Variants in GFRA1 observed in about 807,000 individuals in gnomAD.
The protein encoded by GFRA1 is GDNF family receptor alpha 1, also known as GDNF family receptor alpha-1.
GFRA1 carries 16 observed loss-of-function variants against 51.6 expected under a neutral mutation model. That is an observed-to-expected ratio of 0.31 (90% CI 0.21 to 0.47). The LOEUF is 0.47. GFRA1 is among the 20% of genes least tolerant of loss of function. The probability of loss-of-function intolerance (pLI) is 1.00; values close to 1 mark genes in which losing one functional copy is unlikely to be tolerated. For synonymous variants in GFRA1, 270 were observed against 241.3 expected (o/e 1.12, Z -1.10); for missense variants, 530 against 594.3 (o/e 0.89, Z 1.13).
At position 116,125,659 on chromosome 10, in the gene GFRA1, C is replaced by G. The variant is rs944343388; in HGVS notation, c.434-102G>C. 3 of 911,422 alleles carry G rather than the reference C, an allele frequency of 3.3e-6. No homozygotes were observed. In the East Asian group the frequency reaches 7.9e-5, roughly 24 times the overall value. The allele number at this position is 911,422 out of a possible 1,614,324, so 56.5% of individuals were successfully genotyped here. On this transcript the variant is annotated intron_variant, in intron 5 of 10. Transcript: ENST00000355422. Reference sequence around the variant, plus strand: ...CCTGCCATTTATCTGGCATTGCCAGCGGCTCTAGAACTTAATGAGTTTTGA... The same window carrying G: ...CCTGCCATTTATCTGGCATTGCCAGGGGCTCTAGAACTTAATGAGTTTTGA...
chr10:116,093,999 T>G (rs1391575904), intron 7 of GFRA1, among the ~76,000 whole-genome samples, 163 bp from the exon 8 acceptor site: 2 of 152,196 alleles, frequency 1.3e-5, no homozygotes, highest in Non-Finnish European at 2.9e-5. Context: ...TCTCGGCAAT[T>G]TATCTTGAGC....
At chr10:116,253,598 A>ACT (rs1386650449) in intron 4 of GFRA1, among the ~76,000 whole-genome samples, 2 of 146,494 alleles carry the variant, frequency 1.4e-5, no homozygotes, top group Non-Finnish European at 3.0e-5. Context: ...AGAGAGTGAG[A>ACT]CTCTCTCTCA....
intron 5 of GFRA1, among the ~76,000 whole-genome samples, chr10:116,125,988 A>T (rs1957856991): frequency 6.6e-6 from 1 of 152,246 alleles, no homozygotes; most frequent in African/African-American, 2.4e-5. Flanking sequence ...TAATTATGTA[A>T]TAAATGCATA....
chr10:116,181,792 C>T (rs879543868), intron 5 of GFRA1, among the ~76,000 whole-genome samples: 21 of 152,076 alleles, frequency 1.4e-4, no homozygotes, highest in Non-Finnish European at 8.8e-5. Flanking sequence ...CGCCCGCGCC[C>T]GCTACTATGC....
At position 116,062,355 on chromosome 10, in the gene GFRA1, A is replaced by T; in HGVS notation, c.*2043T>A. On this transcript the variant is annotated 3_prime_UTR_variant, in exon 11 of 11. Coordinates refer to ENST00000355422, the MANE Select transcript of GFRA1 (RefSeq NM_005264.8). ...CTTACTTAATGTGTTTATTCAAAGT[A>T]AGAGTCTTTATAGATCTTTTCACTA... 7.9e-6 allele frequency: 3 copies of T among 380,814 alleles called. No homozygotes were observed. The highest frequency in any genetic ancestry group is 1.4e-5 in the Non-Finnish European group (3 of 215,426). 23.6% of individuals were successfully genotyped at this position (380,814 alleles called of 1,614,324 possible).
chr10:116,232,326 T>C (rs1430128717), intron 4 of GFRA1, among the ~76,000 whole-genome samples: 1 of 152,180 alleles, frequency 6.6e-6, no homozygotes, highest in Admixed American at 6.5e-5. Flanking sequence ...GAAATAGCAG[T>C]TGGGTGATCT....
intron 5 of GFRA1, among the ~76,000 whole-genome samples, chr10:116,161,847 C>T (rs976900929): frequency 6.6e-5 from 10 of 152,130 alleles, no homozygotes; most frequent in African/African-American, 1.9e-4. Flanking sequence ...GACAAATACA[C>T]CTATATACAA....
At chr10:116,249,808 G>T (rs1438804323) in intron 4 of GFRA1, among the ~76,000 whole-genome samples, 4 of 152,132 alleles carry the variant, frequency 2.6e-5, no homozygotes, top group African/African-American at 9.7e-5. Context: ...AAGCCAGATG[G>T]GGTCCTTGCT....
chr10:116,268,865 C>G (rs935847464), intron 4 of GFRA1, among the ~76,000 whole-genome samples: 5 of 152,138 alleles, frequency 3.3e-5, no homozygotes, highest in African/African-American at 1.2e-4. Context: ...CATTTCCAAA[C>G]CACACATAGA....
intron 5 of GFRA1, among the ~76,000 whole-genome samples, chr10:116,127,647 T>C (rs1471249775): frequency 6.6e-6 from 1 of 152,168 alleles, no homozygotes; most frequent in Non-Finnish European, 1.5e-5. Context: ...CTCCTCTATT[T>C]CCACACTCAG....
intron 4 of GFRA1, among the ~76,000 whole-genome samples, chr10:116,248,199 AG>A (rs1241128322): frequency 6.6e-6 from 1 of 152,128 alleles, no homozygotes; most frequent in Non-Finnish European, 1.5e-5. Flanking sequence ...CAAGGGCAAA[AG>A]GTAAGAGCAA....
chr10:116,197,162 C>G (rs957639923), intron 5 of GFRA1, among the ~76,000 whole-genome samples: 5 of 152,020 alleles, frequency 3.3e-5, no homozygotes, highest in African/African-American at 9.7e-5. Flanking sequence ...AACCTAATCA[C>G]CGAGGCAACA....
At chr10:116,173,616 A>C (rs1158705199) in intron 5 of GFRA1, among the ~76,000 whole-genome samples, 1 of 152,178 alleles carries the variant, frequency 6.6e-6, no homozygotes, top group African/African-American at 2.4e-5. Flanking sequence ...TAGGACTATA[A>C]CTCCCAAGGG....
chr10:116,255,244 C>A (rs1432126350), intron 4 of GFRA1, among the ~76,000 whole-genome samples: 1 of 152,076 alleles, frequency 6.6e-6, no homozygotes, highest in African/African-American at 2.4e-5. Context: ...GAAGCTGCAC[C>A]CGCTTAATTG....
intron 5 of GFRA1, among the ~76,000 whole-genome samples, chr10:116,183,259 G>A (rs1213074890): frequency 2.6e-5 from 4 of 152,170 alleles, no homozygotes; most frequent in African/African-American, 9.7e-5. Context: ...GACTTGGTGA[G>A]TAAAGACAGT....
intron 4 of GFRA1, among the ~76,000 whole-genome samples, chr10:116,238,405 C>T (rs1967077283): frequency 6.6e-6 from 1 of 152,192 alleles, no homozygotes; most frequent in African/African-American, 2.4e-5. Flanking sequence ...CATGGAAGGC[C>T]TGCCTTCCGA....
chr10:116,207,719 T>C (rs957404792), intron 5 of GFRA1, among the ~76,000 whole-genome samples: 1 of 152,188 alleles, frequency 6.6e-6, no homozygotes, highest in Admixed American at 6.5e-5. Context: ...AGGAATATTT[T>C]AATAATGTCT....
intron 6 of GFRA1, among the ~76,000 whole-genome samples, chr10:116,096,983 A>G (rs2133910087): frequency 6.6e-6 from 1 of 152,150 alleles, no homozygotes; most frequent in East Asian, 1.9e-4. Flanking sequence ...CCCTTTCCCC[A>G]GCCCTCGCCC....
chr10:116,102,889 C>T (rs1442999285), intron 6 of GFRA1, among the ~76,000 whole-genome samples: 1 of 152,192 alleles, frequency 6.6e-6, no homozygotes, highest in Non-Finnish European at 1.5e-5. Context: ...TATCAATCTA[C>T]TTGTATAAGT....
Sources: gnomAD v4.1 joint callset for allele counts (sites outside exome capture counted in the v4.1 genomes callset) on GRCh38, gnomAD v4.1.1 for gene constraint, MANE v1.5 for transcripts, NCBI Gene and HGNC (gene_info 2026-07-23, HGNC 2026-07-21) for gene names.